Variants in GPC5 observed in about 807,000 individuals in gnomAD.
GPC5 encodes glypican-5.
In GPC5, 47 loss-of-function variants were observed where a neutral mutation model predicts 53.9. The observed-to-expected ratio is 0.87, with a 90% CI of 0.69 to 1.11. The LOEUF is 1.11. GPC5 is among the 50% of genes most tolerant of loss of function. The pLI is 0.00. For missense variants in GPC5, 748 were observed against 713.1 expected (o/e 1.05, Z -0.56); for synonymous variants, 286 against 263.3 (o/e 1.09, Z -0.84).
Position 91,673,358 on chromosome 13 carries a change from A to G in GPC5, c.326-19829A>G, listed in dbSNP as rs890279454. ...TATATAACATTTAAAAAATTTAGTT[A>G]TTCTAGTGACTAAATATTATTTTGT... On this transcript the variant is annotated intron_variant, in intron 2 of 7. Coordinates refer to ENST00000377067, the MANE Select transcript of GPC5 (RefSeq NM_004466.6). 9.2e-5 allele frequency among the ~76,000 whole-genome samples: 14 copies of G among 152,282 alleles called. No homozygotes were observed. In the East Asian group the frequency reaches 2.3e-3, roughly 25 times the overall value.
rs2037294797 is a variant in GPC5, at chr13:91,756,429, T to A, written c.1280+9T>A. ...GAAGATATAGTAAAAAGGTATTTTA[T>A]GTGGTCTGTGAAAACCTACTAGTTA... On this transcript the variant is annotated intron_variant, in intron 5 of 7. Coordinates refer to ENST00000377067, the MANE Select transcript of GPC5 (RefSeq NM_004466.6). The A allele has an allele frequency of 1.3e-6, 2 of 1,565,602 alleles. No individual in the cohort carries two copies. Among genetic ancestry groups the A allele is most frequent in the Non-Finnish European group, 1.7e-6 (2 of 1,146,348 alleles).
At chr13:92,594,709 G>A (rs1594331714) in intron 7 of GPC5, among the ~76,000 whole-genome samples, 1 of 152,240 alleles carries the variant, frequency 6.6e-6, no homozygotes, top group Non-Finnish European at 1.5e-5. Flanking sequence ...TTTAGCTAAA[G>A]AACTCTGTCA....
At chr13:92,860,007 CTAA>C (rs1391315154) in intron 7 of GPC5, among the ~76,000 whole-genome samples, 1 of 152,042 alleles carries the variant, frequency 6.6e-6, no homozygotes, top group Non-Finnish European at 1.5e-5. Context: ...TAGAGAGCCA[CTAA>C]TAATTTATCT....
chr13:92,148,669 G>A (rs540294893), intron 7 of GPC5, among the ~76,000 whole-genome samples: 2 of 152,094 alleles, frequency 1.3e-5, no homozygotes, highest in South Asian at 4.1e-4. Flanking sequence ...TTGCAGGATT[G>A]GAATGGCTTT....
intron 5 of GPC5, among the ~76,000 whole-genome samples, chr13:91,897,361 G>GTT (rs1160745683): frequency 2.8e-5 from 4 of 140,754 alleles, no homozygotes; most frequent in Non-Finnish European, 6.3e-5. Flanking sequence ...GTGTGTGTGT[G>GTT]TGTGTGTGCG....
At chr13:92,177,616 TA>T (rs766020343) in intron 7 of GPC5, among the ~76,000 whole-genome samples, 42 of 152,298 alleles carry the variant, frequency 2.8e-4, no homozygotes, top group Middle Eastern at 3.4e-3. Flanking sequence ...AGTCTCTGAT[TA>T]AAATGATTTC....
intron 2 of GPC5, among the ~76,000 whole-genome samples, chr13:91,539,678 A>G (rs546817354): frequency 1.7e-4 from 26 of 152,114 alleles, no homozygotes; most frequent in Non-Finnish European, 2.5e-4. Flanking sequence ...GGCCTAGAGG[A>G]TAAATATAGG....
chr13:92,058,529 A>G (rs191905689), intron 6 of GPC5, among the ~76,000 whole-genome samples: 4 of 152,304 alleles, frequency 2.6e-5, no homozygotes, highest in African/African-American at 9.6e-5. Context: ...GTTATCACTC[A>G]AAGTCTGTAG....
chr13:91,598,423 G>A (rs1200819085), intron 2 of GPC5, among the ~76,000 whole-genome samples: 2 of 151,948 alleles, frequency 1.3e-5, no homozygotes, highest in Non-Finnish European at 2.9e-5. Context: ...CCCATTCACA[G>A]GGAGTGCAGA....
At chr13:92,420,524 A>G (rs1876510344) in intron 7 of GPC5, among the ~76,000 whole-genome samples, 1 of 152,134 alleles carries the variant, frequency 6.6e-6, no homozygotes, top group Non-Finnish European at 1.5e-5. Flanking sequence ...ATTTTAAAAT[A>G]TACAATTAAA....
intron 7 of GPC5, among the ~76,000 whole-genome samples, chr13:92,834,506 A>G (rs1878159072): frequency 6.6e-6 from 1 of 152,122 alleles, no homozygotes; most frequent in Non-Finnish European, 1.5e-5. Flanking sequence ...TTAGACTATA[A>G]TCAAGTACTT....
chr13:92,468,853 T>C (rs9561059), intron 7 of GPC5, among the ~76,000 whole-genome samples: 45,041 of 151,968 alleles, frequency 0.3, 7,233 homozygotes, highest in East Asian at 0.42. Context: ...CCCTCTCCAC[T>C]TAGAAAAACC....
intron 7 of GPC5, among the ~76,000 whole-genome samples, chr13:92,645,734 A>G (rs1277686700): frequency 6.6e-6 from 1 of 152,086 alleles, no homozygotes; most frequent in Non-Finnish European, 1.5e-5. Flanking sequence ...GTTGCAATAA[A>G]TGATATTTCC....
At chr13:92,280,316 G>C (rs967308336) in intron 7 of GPC5, among the ~76,000 whole-genome samples, 5 of 152,056 alleles carry the variant, frequency 3.3e-5, no homozygotes, top group Non-Finnish European at 5.9e-5. Flanking sequence ...CTTTGGTTTT[G>C]TATGTAGCCT....
At chr13:92,594,804 G>A (rs1296643069) in intron 7 of GPC5, among the ~76,000 whole-genome samples, 1 of 152,180 alleles carries the variant, frequency 6.6e-6, no homozygotes, top group African/African-American at 2.4e-5. Flanking sequence ...TGAATATTAT[G>A]TCAAACACAA....
chr13:92,767,840 C>A (rs1452329628), intron 7 of GPC5, among the ~76,000 whole-genome samples: 2 of 152,162 alleles, frequency 1.3e-5, no homozygotes, highest in African/African-American at 2.4e-5. Context: ...TTCCCACATT[C>A]CACCCAGTTG....
At chr13:92,381,867 ATC>A (rs1226980415) in intron 7 of GPC5, among the ~76,000 whole-genome samples, 3 of 126,078 alleles carry the variant, frequency 2.4e-5, no homozygotes, top group African/African-American at 9.0e-5. Flanking sequence ...GATTATATAT[ATC>A]ATATATATGA....
At chr13:91,744,972 A>T (rs2037016189) in intron 4 of GPC5, among the ~76,000 whole-genome samples, 2 of 152,116 alleles carry the variant, frequency 1.3e-5, no homozygotes, top group Admixed American at 6.6e-5. Flanking sequence ...AAAAAATTAT[A>T]AGAGGTAGAC....
At chr13:92,292,569 A>T (rs1466043934) in intron 7 of GPC5, among the ~76,000 whole-genome samples, 1 of 152,082 alleles carries the variant, frequency 6.6e-6, no homozygotes, top group Non-Finnish European at 1.5e-5. Context: ...TCTAGATACT[A>T]GTCCTTTGTC....
Sources: allele counts gnomAD v4.1 joint callset (sites outside exome capture counted in the v4.1 genomes callset), GRCh38; gene constraint gnomAD v4.1.1; transcripts MANE v1.5; gene names NCBI Gene and HGNC (gene_info 2026-07-23, HGNC 2026-07-21).